The following RIT2 variants were observed in gnomAD, a reference collection of about 807,000 sequenced individuals.
RIT2 encodes the protein GTP-binding protein Rit2.
RIT2 carries 24 observed loss-of-function variants against 23.7 expected under a neutral mutation model. That is an observed-to-expected ratio of 1.01 (90% CI 0.73 to 1.43). The LOEUF (loss-of-function observed/expected upper bound fraction) is 1.43. Among genes scored for constraint, RIT2 ranks in the 40% most tolerant of loss-of-function variants. The probability of loss-of-function intolerance (pLI) is 0.00; values close to 1 mark genes in which losing one functional copy is unlikely to be tolerated. For missense variants in RIT2, 236 were observed against 266.9 expected (o/e 0.88, Z 0.81); for synonymous variants, 107 against 91.1 (o/e 1.17, Z -0.99).
At chr18:43,044,710 G>T (rs1912206211) in intron 1 of RIT2, among the ~76,000 whole-genome samples, 1 of 152,160 alleles carries the variant, frequency 6.6e-6, no homozygotes, top group African/African-American at 2.4e-5. Context: ...GGGGTTGAGG[G>T]ACAGATTAGA....
At chr18:42,910,746 G>C (rs1156573348) in intron 4 of RIT2, among the ~76,000 whole-genome samples, 1 of 152,130 alleles carries the variant, frequency 6.6e-6, no homozygotes, top group South Asian at 2.1e-4. Flanking sequence ...CTTTCCAGTG[G>C]ATTAATTTGC....
At chr18:43,085,365 A>G (rs1481659404) in intron 1 of RIT2, among the ~76,000 whole-genome samples, 2 of 152,074 alleles carry the variant, frequency 1.3e-5, no homozygotes, top group African/African-American at 4.8e-5. Context: ...GTGTGAAAAA[A>G]ATCTATTTTT....
intron 4 of RIT2, among the ~76,000 whole-genome samples, chr18:42,905,276 G>T (rs1431994332): frequency 6.6e-6 from 1 of 152,072 alleles, no homozygotes; most frequent in African/African-American, 2.4e-5. Context: ...ATTTGTATAT[G>T]TTAACATAGA....
At chr18:42,773,792 T>C (rs914891905) in intron 4 of RIT2, among the ~76,000 whole-genome samples, 2 of 152,162 alleles carry the variant, frequency 1.3e-5, no homozygotes, top group African/African-American at 4.8e-5. Context: ...GAGATAATAA[T>C]TGATCAGAGA....
chr18:42,814,273 G>T (rs139797017), intron 4 of RIT2, among the ~76,000 whole-genome samples: 46 of 152,330 alleles, frequency 3.0e-4, no homozygotes, highest in Non-Finnish European at 5.7e-4. Context: ...GGCAGGGGAA[G>T]AAGGAAAGCC....
chr18:42,878,099 C>T (rs1907791124), intron 4 of RIT2, among the ~76,000 whole-genome samples: 2 of 150,554 alleles, frequency 1.3e-5, no homozygotes, highest in Non-Finnish European at 1.5e-5. Flanking sequence ...TACATACACA[C>T]ACATATATAT....
At chr18:42,852,799 T>C (rs7240670) in intron 4 of RIT2, among the ~76,000 whole-genome samples, 113,265 of 125,722 alleles carry the variant, frequency 0.9, 50,476 homozygotes, top group East Asian at 0.93. Context: ...CTCCCTCTCT[T>C]CCTCCCTCCC....
chr18:43,104,438 C>T (rs2144242752), intron 1 of RIT2, among the ~76,000 whole-genome samples: 1 of 152,132 alleles, frequency 6.6e-6, no homozygotes, highest in South Asian at 2.1e-4. Context: ...ATGTTCACAG[C>T]ACAAAGAAGT....
chr18:43,101,873 A>G (rs1181155846), intron 1 of RIT2, among the ~76,000 whole-genome samples: 1 of 152,202 alleles, frequency 6.6e-6, no homozygotes, highest in Non-Finnish European at 1.5e-5. Context: ...GTTTAAGCTC[A>G]TTCATTAAGA....
intron 4 of RIT2, among the ~76,000 whole-genome samples, chr18:42,810,068 G>A (rs1017838197): frequency 1.4e-5 from 2 of 145,042 alleles, no homozygotes; most frequent in East Asian, 2.0e-4. Context: ...TTATATATAT[G>A]TTATACATAA....
chr18:42,960,736 A>C (rs543526002), intron 3 of RIT2, among the ~76,000 whole-genome samples: 4 of 152,330 alleles, frequency 2.6e-5, no homozygotes, highest in East Asian at 3.9e-4. Context: ...GACCTACATC[A>C]ATAATGTAGG....
chr18:42,945,556 G>T (rs1418563565), intron 3 of RIT2, among the ~76,000 whole-genome samples: 1 of 152,134 alleles, frequency 6.6e-6, no homozygotes, highest in Non-Finnish European at 1.5e-5. Context: ...ATTATGGGTG[G>T]TGTTGTTGAG....
chr18:43,048,783 T>G (rs1317966348), intron 1 of RIT2, among the ~76,000 whole-genome samples: 1 of 152,194 alleles, frequency 6.6e-6, no homozygotes, highest in Non-Finnish European at 1.5e-5. Context: ...TCATATGATG[T>G]TGTCCCATCT....
intron 4 of RIT2, among the ~76,000 whole-genome samples, chr18:42,837,320 A>G (rs909901927): frequency 4.6e-5 from 7 of 151,278 alleles, no homozygotes; most frequent in African/African-American, 7.3e-5. Context: ...GGTGCCTGCC[A>G]CCAAGCCTGG....
At chr18:43,016,002 G>C (rs1196437073) in intron 2 of RIT2, among the ~76,000 whole-genome samples, 1 of 151,798 alleles carries the variant, frequency 6.6e-6, no homozygotes, top group African/African-American at 2.4e-5. Flanking sequence ...AACTTGGTTT[G>C]ACTAATGAAG....
chr18:42,893,610 A>T (rs1442063963), intron 4 of RIT2, among the ~76,000 whole-genome samples: 1 of 152,220 alleles, frequency 6.6e-6, no homozygotes, highest in Non-Finnish European at 1.5e-5. Context: ...AAACCATAGC[A>T]CTTTCTAATT....
chr18:42,805,071 A>G (rs1326353371), intron 4 of RIT2, among the ~76,000 whole-genome samples: 1 of 152,224 alleles, frequency 6.6e-6, no homozygotes, highest in Admixed American at 6.5e-5. Flanking sequence ...AAGATTCTAG[A>G]CCAATGGTTC....
chr18:42,912,580 T>C (rs1908798966), intron 4 of RIT2, among the ~76,000 whole-genome samples: 1 of 151,934 alleles, frequency 6.6e-6, no homozygotes, highest in South Asian at 2.1e-4. Context: ...TCAGTAAGGT[T>C]AAAAAATACT....
intron 4 of RIT2, among the ~76,000 whole-genome samples, chr18:42,854,975 T>C (rs1419100067): frequency 6.6e-6 from 1 of 152,206 alleles, no homozygotes; most frequent in Non-Finnish European, 1.5e-5. Flanking sequence ...GTATTCTCCC[T>C]TACTGGAGTA....
Sources: allele counts gnomAD v4.1 joint callset (sites outside exome capture counted in the v4.1 genomes callset), GRCh38; gene constraint gnomAD v4.1.1; transcripts MANE v1.5; gene names NCBI Gene and HGNC (gene_info 2026-07-23, HGNC 2026-07-21).